Variants in SIL1 observed in about 807,000 individuals in gnomAD.
SIL1 encodes the protein SIL1 nucleotide exchange factor.
SIL1 carries 40 observed loss-of-function variants against 49.1 expected under a neutral mutation model. That is an observed-to-expected ratio of 0.81 (90% CI 0.63 to 1.06). SIL1 has a LOEUF of 1.06. Among genes scored for constraint, SIL1 ranks in the 50% least tolerant of loss-of-function variants. SIL1 has a pLI of 0.00. For synonymous variants in SIL1, 253 were observed against 250.8 expected, an observed-to-expected ratio of 1.01 and a Z score of -0.08; for missense variants, 500 against 572.6, an observed-to-expected ratio of 0.87 and a Z score of 1.29.
At chr5:139,112,573 C>T (rs1443310727) in intron 3 of SIL1, among the ~76,000 whole-genome samples, 1 of 150,720 alleles carries the variant, frequency 6.6e-6, no homozygotes, top group Non-Finnish European at 1.5e-5. Context: ...GCCCGGCAGC[C>T]GCCCCGTCTG....
intron 2 of SIL1, among the ~76,000 whole-genome samples, chr5:139,122,186 C>T (rs2151793902): frequency 6.6e-6 from 1 of 152,252 alleles, no homozygotes; most frequent in Admixed American, 6.5e-5. Flanking sequence ...CCTATGAGCC[C>T]AGACCCGTGC....
chr5:139,025,002 T>C (rs976234196), intron 6 of SIL1, among the ~76,000 whole-genome samples: 1 of 152,220 alleles, frequency 6.6e-6, no homozygotes, highest in Non-Finnish European at 1.5e-5. Flanking sequence ...TGCCAGTTCC[T>C]ATCTCGCCAT....
At chr5:139,151,757 A>G (rs1218425305) in intron 1 of SIL1, among the ~76,000 whole-genome samples, 1 of 152,224 alleles carries the variant, frequency 6.6e-6, no homozygotes, top group Non-Finnish European at 1.5e-5. Flanking sequence ...TATAAGCTCT[A>G]GCCAAAAGGA....
intron 1 of SIL1, among the ~76,000 whole-genome samples, chr5:139,138,142 TATAC>T (rs975057224): frequency 5.4e-4 from 56 of 103,170 alleles, no homozygotes; most frequent in African/African-American, 2.7e-3. Flanking sequence ...CACACACACA[TATAC>T]ACACACACAC....
At chr5:138,950,716 T>G (rs1395419476) in intron 9 of SIL1, among the ~76,000 whole-genome samples, 1 of 152,200 alleles carries the variant, frequency 6.6e-6, no homozygotes, top group Non-Finnish European at 1.5e-5. Flanking sequence ...ATTGGGTCCC[T>G]GAGACTCTCA....
intron 6 of SIL1, among the ~76,000 whole-genome samples, chr5:139,024,849 T>G (rs1768608306): frequency 6.6e-6 from 1 of 152,232 alleles, no homozygotes; most frequent in African/African-American, 2.4e-5. Context: ...CTCTATATTC[T>G]TCCTCCCATT....
intron 5 of SIL1, 48 bp downstream of exon 5, chr5:139,042,572 A>G (rs1476094388): frequency 6.7e-7 from 1 of 1,498,840 alleles, no homozygotes; most frequent in East Asian, 2.3e-5. Flanking sequence ...TGCAAAGACA[A>G]CAAGGCCATG....
At chr5:139,014,160 G>A (rs1768345569) in intron 7 of SIL1, 2 of 152,170 alleles carry the variant, frequency 1.3e-5, no homozygotes, top group Non-Finnish European at 2.9e-5. Flanking sequence ...CTGAGGTCTG[G>A]AGTTCGAGAC....
chr5:139,079,378 C>CA (rs1309095543), intron 3 of SIL1, among the ~76,000 whole-genome samples: 1 of 152,218 alleles, frequency 6.6e-6, no homozygotes, highest in African/African-American at 2.4e-5. Context: ...ATTAGCACTA[C>CA]ATCTCTTCTG....
chr5:139,084,772 C>A (rs947816889), intron 3 of SIL1, among the ~76,000 whole-genome samples: 1 of 149,728 alleles, frequency 6.7e-6, no homozygotes, highest in Non-Finnish European at 1.5e-5. Context: ...TACCCTAAAA[C>A]TTAGAGTATA....
rs1236670654 is a variant in SIL1 at position 138,947,600 on chromosome 5, C to T, written c.1030-127G>A. 1 of 744,224 alleles carries T rather than the reference C, an allele frequency of 1.3e-6. No individual in the cohort carries two copies. The highest frequency in any genetic ancestry group is 1.7e-5 in the African/African-American group (1 of 58,632). The allele number at this position is 744,224 out of a possible 1,614,324, so 46.1% of individuals were successfully genotyped here. On this transcript the variant is annotated intron_variant, in intron 9 of 9. Coordinates refer to ENST00000394817, the MANE Select transcript of SIL1 (RefSeq NM_022464.5). This position sits in a 1 kb window ranked among gnomAD's most constrained non-coding sequence, Gnocchi z 4.1. ...AAGGCACGAGGCTGACCCCTGAGGG[C>T]CCACCTCTTCCTCTATCCCCAAGTC...
chr5:138,994,276 CT>C (rs1767816951), intron 7 of SIL1, among the ~76,000 whole-genome samples: 2 of 152,186 alleles, frequency 1.3e-5, no homozygotes, highest in East Asian at 3.9e-4. Context: ...ACTATTAGAA[CT>C]AATAAGACAT....
At chr5:139,020,358 C>A (rs1393546744) in intron 7 of SIL1, among the ~76,000 whole-genome samples, 1 of 152,252 alleles carries the variant, frequency 6.6e-6, no homozygotes. Context: ...CTTCTCGAAA[C>A]AAAGCCTATA....
intron 5 of SIL1, among the ~76,000 whole-genome samples, chr5:139,027,629 A>G (rs1028077225): frequency 1.3e-5 from 2 of 152,094 alleles, no homozygotes; most frequent in Non-Finnish European, 1.5e-5. Context: ...ATCCTTCCCC[A>G]CTCCACTCAC....
intron 1 of SIL1, among the ~76,000 whole-genome samples, chr5:139,186,955 G>A (rs1008561830): frequency 1.3e-5 from 2 of 152,196 alleles, no homozygotes; most frequent in Non-Finnish European, 2.9e-5. Flanking sequence ...ATGCTTCAGG[G>A]AAGTAGGATT....
chr5:139,052,435 C>G (rs1156250506), intron 3 of SIL1, among the ~76,000 whole-genome samples: 1 of 152,132 alleles, frequency 6.6e-6, no homozygotes, highest in Admixed American at 6.5e-5. Context: ...CATGGTTGCT[C>G]ACACTTTGGG....
At chr5:138,992,452 G>T (rs1767778711) in intron 7 of SIL1, among the ~76,000 whole-genome samples, 1 of 152,302 alleles carries the variant, frequency 6.6e-6, no homozygotes, top group South Asian at 2.1e-4. Flanking sequence ...GTTGTTGTGA[G>T]GATTAAATGA....
At chr5:138,983,501 T>C (rs1354585451) in intron 7 of SIL1, among the ~76,000 whole-genome samples, 5 of 150,094 alleles carry the variant, frequency 3.3e-5, no homozygotes, top group Non-Finnish European at 5.9e-5. Context: ...GAGCGAGATT[T>C]TGTCTCGAAA....
chr5:138,981,096 T>TTGAGAGGC (rs895678713), intron 7 of SIL1, among the ~76,000 whole-genome samples: 7 of 151,720 alleles, frequency 4.6e-5, no homozygotes, highest in Non-Finnish European at 8.8e-5. Flanking sequence ...TCCCAGCTAC[T>TTGAGAGGC]TGAGAGGCTG....
Sources: gnomAD v4.1 joint callset for allele counts (sites outside exome capture counted in the v4.1 genomes callset) on GRCh38, gnomAD v4.1.1 for gene constraint, Gnocchi (gnomAD v3.1) non-coding constraint, MANE v1.5 for transcripts, NCBI Gene and HGNC (gene_info 2026-07-23, HGNC 2026-07-21) for gene names.